SHLD1: variants seen among roughly 807,000 people sequenced by gnomAD.
The protein encoded by SHLD1 is RINN1-REV7-interacting novel NHEJ regulator 3.
In SHLD1, 3 loss-of-function variants were observed where a neutral mutation model predicts 5.5. The observed-to-expected ratio is 0.54, with a 90% confidence interval of 0.25 to 1.40. SHLD1 has a LOEUF of 1.40. SHLD1 is among the 40% of genes most tolerant of loss of function. The pLI, the probability that SHLD1 is intolerant of heterozygous loss-of-function variation, is 0.15. For synonymous variants in SHLD1, 92 were observed against 94.3 expected, an observed-to-expected ratio of 0.98 and a Z score of 0.14; for missense variants, 210 against 244.4, an observed-to-expected ratio of 0.86 and a Z score of 0.94.
At chr20:5,841,400 G>A (rs1323041333) in intron 2 of SHLD1, among the ~76,000 whole-genome samples, 1 of 152,130 alleles carries the variant, frequency 6.6e-6, no homozygotes, top group African/African-American at 2.4e-5. Context: ...GTGTTTTGGG[G>A]GCCCCATTAG....
chr20:5,760,926 A>G (rs1984426522), intron 1 of SHLD1, among the ~76,000 whole-genome samples: 2 of 151,832 alleles, frequency 1.3e-5, no homozygotes, highest in South Asian at 4.1e-4. Context: ...ACTCACATGG[A>G]GAGTGAGGGG....
intron 2 of SHLD1, among the ~76,000 whole-genome samples, chr20:5,812,683 G>A (rs142929353): frequency 2.1e-3 from 323 of 152,176 alleles, no homozygotes; most frequent in Non-Finnish European, 3.2e-3. Context: ...CTGTTTCTCC[G>A]TATTATGTTA....
In SHLD1 at chr20:5,863,295, G is replaced by A. The variant is rs747085263; in HGVS notation, c.450G>A (p.Val150=). ...YALRSFQMAR[V]IFNRDGCSVL... ...TCCGCAGTTTTCAAATGGCCCGGGTGATCTTCAACCGGGACGGCTGCTCCG... is the reference window on the plus strand; with the variant it reads ...TCCGCAGTTTTCAAATGGCCCGGGTAATCTTCAACCGGGACGGCTGCTCCG... Residue 150 remains valine, a synonymous_variant, in exon 3 of 3, where the codon GTG becomes GTA. Coordinates refer to ENST00000303142, the MANE Select transcript of SHLD1 (RefSeq NM_152504.4). 6.2e-6 allele frequency: 10 copies of A among 1,614,196 alleles called. No homozygotes were observed. Among genetic ancestry groups the A allele is most frequent in the East Asian group, 2.2e-5 (1 of 44,882 alleles).
chr20:5,796,680 T>C (rs1426351575), intron 2 of SHLD1, among the ~76,000 whole-genome samples: 141 of 151,846 alleles, frequency 9.3e-4, no homozygotes, highest in Non-Finnish European at 8.8e-5. Flanking sequence ...ATACAAAAAA[T>C]TAGCCAGGCA....
chr20:5,817,432 C>CTCTCTCTCTCTGTGTGTGTGTGTGTG (rs1473391202), intron 2 of SHLD1, among the ~76,000 whole-genome samples: 2 of 85,588 alleles, frequency 2.3e-5, no homozygotes, highest in African/African-American at 1.1e-4. Flanking sequence ...CTCTCTCTCT[C>CTCTCTCTCTCTGTGTGTGTGTGTGTG]TGTGTGTGTG....
intron 2 of SHLD1, among the ~76,000 whole-genome samples, chr20:5,798,172 T>G (rs552189426): frequency 6.6e-6 from 1 of 152,318 alleles, no homozygotes; most frequent in Non-Finnish European, 1.5e-5. Flanking sequence ...CCAGCTGGGC[T>G]GTCAGCTGAA....
At chr20:5,801,428 C>T (rs1044684476) in intron 2 of SHLD1, among the ~76,000 whole-genome samples, 3 of 152,136 alleles carry the variant, frequency 2.0e-5, no homozygotes, top group East Asian at 3.8e-4. Flanking sequence ...AAGAGAACTC[C>T]GAAGGGCTTC....
At chr20:5,784,450 A>AT (rs1377420554) in intron 2 of SHLD1, among the ~76,000 whole-genome samples, 16 of 151,362 alleles carry the variant, frequency 1.1e-4, no homozygotes, top group South Asian at 2.1e-4. Flanking sequence ...TTTATTTTTA[A>AT]TTTTTTTTAT....
chr20:5,841,624 A>G (rs1378474690), intron 2 of SHLD1, among the ~76,000 whole-genome samples: 1 of 152,224 alleles, frequency 6.6e-6, no homozygotes, highest in Non-Finnish European at 1.5e-5. Context: ...AATGTTAATA[A>G]GGCAGTAAAT....
chr20:5,821,660 G>A (rs1568519507), intron 2 of SHLD1, among the ~76,000 whole-genome samples: 1 of 152,202 alleles, frequency 6.6e-6, no homozygotes, highest in Admixed American at 6.5e-5. Flanking sequence ...CAGAAATCCA[G>A]GAGGGGCTTA....
chr20:5,753,442 A>G (rs659464), intron 1 of SHLD1, among the ~76,000 whole-genome samples: 30,114 of 152,130 alleles, frequency 0.2, 3,297 homozygotes, highest in South Asian at 0.34. Context: ...TTAGGCAGTT[A>G]GCGAGGGTTA....
chr20:5,819,369 C>A lies in SHLD1; in HGVS notation c.179-43655C>A, dbSNP rs192819478. ...GGTGTGACCACACTCTTACCCTTAT[C>A]TGTTATTTCTCATTCCAAACTTTGC... On this transcript the variant is annotated intron_variant, in intron 2 of 2. Transcript: ENST00000303142. Among the ~76,000 whole-genome samples, 314 of 152,334 alleles carry A rather than the reference C, an allele frequency of 2.1e-3. 1 individual carries two copies. Among genetic ancestry groups the A allele is most frequent in the African/African-American group, 7.2e-3 (301 of 41,574 alleles).
intron 1 of SHLD1, among the ~76,000 whole-genome samples, chr20:5,764,213 G>GTATATATATATATA (rs1984692087): frequency 9.5e-6 from 1 of 105,008 alleles, no homozygotes; most frequent in African/African-American, 3.7e-5. Flanking sequence ...ATATATTTGT[G>GTATATATATATATA]TGTGTGTATA....
chr20:5,766,599 G>A (rs1470519396), intron 1 of SHLD1, among the ~76,000 whole-genome samples: 1 of 152,118 alleles, frequency 6.6e-6, no homozygotes, highest in Non-Finnish European at 1.5e-5. Flanking sequence ...CTCTGTGTCT[G>A]AGTCTGACTG....
At chr20:5,854,318 G>A (rs904869085) in intron 2 of SHLD1, among the ~76,000 whole-genome samples, 1 of 151,890 alleles carries the variant, frequency 6.6e-6, no homozygotes, top group African/African-American at 2.4e-5. Context: ...ATGTTTTTTG[G>A]TATTTTTTTG....
chr20:5,848,080 A>G (rs2087953161), intron 2 of SHLD1, among the ~76,000 whole-genome samples: 3 of 152,274 alleles, frequency 2.0e-5, no homozygotes, highest in African/African-American at 4.8e-5. Context: ...AGCAATGGCT[A>G]AAAGTAAAAC....
chr20:5,863,046 A>G lies in SHLD1; in HGVS notation c.201A>G (p.Glu67=). The part of the protein sequence containing the change: ...VDPDTSNLNI[E]QNNSWTAENF... ...CAGACACCAGTAACTTAAATATAGA[A>G]CAAAATAACTCCTGGACCGCTGAGA... Residue 67 remains glutamate, a synonymous_variant, in exon 3 of 3, where the codon GAA becomes GAG. Coordinates refer to ENST00000303142, the MANE Select transcript of SHLD1 (RefSeq NM_152504.4). The G allele has an allele frequency of 6.2e-7, 1 of 1,605,416 alleles. No individual in the cohort carries two copies. Among genetic ancestry groups the G allele is most frequent in the South Asian group, 1.1e-5 (1 of 89,876 alleles).
At chr20:5,767,938 G>C (rs1479022416) in intron 1 of SHLD1, among the ~76,000 whole-genome samples, 1 of 150,242 alleles carries the variant, frequency 6.7e-6, no homozygotes, top group Non-Finnish European at 1.5e-5. Flanking sequence ...AGACCACAGA[G>C]TTTGTCCTTT....
chr20:5,768,514 C>T (rs1984972193), intron 1 of SHLD1, among the ~76,000 whole-genome samples: 1 of 152,246 alleles, frequency 6.6e-6, no homozygotes, highest in Non-Finnish European at 1.5e-5. Flanking sequence ...GTGACATTCA[C>T]CTTTGTGTTC....
Sources: allele counts gnomAD v4.1 joint callset (sites outside exome capture counted in the v4.1 genomes callset), GRCh38; gene constraint gnomAD v4.1.1; transcripts MANE v1.5; gene names NCBI Gene and HGNC (gene_info 2026-07-23, HGNC 2026-07-21).